Variants in TCF20 observed in about 807,000 individuals in gnomAD.
TCF20 encodes SPRE-binding protein.
A neutral mutation model predicts 148.6 loss-of-function variants in TCF20; 3 were observed. The ratio of observed to expected loss-of-function variants is 0.02; its 90% CI spans 0.01 to 0.05. TCF20 has a LOEUF of 0.05. Among genes scored for constraint, TCF20 ranks in the 10% least tolerant of loss-of-function variants. TCF20 has a pLI of 1.00. For synonymous variants in TCF20, 1,049 were observed against 909.5 expected, an observed-to-expected ratio of 1.15 and a Z score of -2.76; for missense variants, 2,350 against 2,429.3, an observed-to-expected ratio of 0.97 and a Z score of 0.69.
At chr22:42,326,848 C>T (rs1927884135) in intron 1 of TCF20, among the ~76,000 whole-genome samples, 1 of 152,258 alleles carries the variant, frequency 6.6e-6, no homozygotes, top group Non-Finnish European at 1.5e-5. Context: ...CGATGCCACA[C>T]AGCCAGCTGA....
At chr22:42,232,805 G>GAAA (rs373162435) in intron 1 of TCF20, among the ~76,000 whole-genome samples, 14 of 131,398 alleles carry the variant, frequency 1.1e-4, no homozygotes, top group East Asian at 4.5e-4. Context: ...TCTCCAAAAA[G>GAAA]AAAAAAAAAA....
At chr22:42,202,480 G>T (rs1260367356) in intron 2 of TCF20, among the ~76,000 whole-genome samples, 2 of 152,228 alleles carry the variant, frequency 1.3e-5, no homozygotes, top group Non-Finnish European at 1.5e-5. Flanking sequence ...AACAAGTCCT[G>T]GAATTCATAT....
At chr22:42,258,430 C>A (rs1448619911) in intron 1 of TCF20, among the ~76,000 whole-genome samples, 1 of 152,210 alleles carries the variant, frequency 6.6e-6, no homozygotes, top group African/African-American at 2.4e-5. Context: ...GGGGATCACA[C>A]TGGGTTCTGA....
At chr22:42,278,807 G>A (rs866730384) in intron 1 of TCF20, 1 of 152,278 alleles carries the variant, frequency 6.6e-6, no homozygotes, top group Non-Finnish European at 1.5e-5. Flanking sequence ...AGGCGTGGAC[G>A]CTAAGGCTCA....
upstream of TCF20, among the ~76,000 whole-genome samples, chr22:42,272,149 C>T (rs1010041344): frequency 4.6e-5 from 7 of 152,244 alleles, no homozygotes; most frequent in African/African-American, 1.7e-4. Flanking sequence ...TCTTCCGGGG[C>T]AGAGCTGAAC....
At chr22:42,191,722 A>G (rs556353171) in intron 2 of TCF20, among the ~76,000 whole-genome samples, 4 of 152,272 alleles carry the variant, frequency 2.6e-5, no homozygotes, top group African/African-American at 9.6e-5. Flanking sequence ...AGTTTTTCCT[A>G]TGTTAAAAGG....
chr22:42,303,415 ACT>A (rs1370145883), intron 1 of TCF20, among the ~76,000 whole-genome samples: 4 of 152,188 alleles, frequency 2.6e-5, no homozygotes. Context: ...CCTAGTGGAC[ACT>A]CCGAGCGTTC....
intron 1 of TCF20, among the ~76,000 whole-genome samples, chr22:42,220,938 G>A (rs913284862): frequency 1.3e-5 from 2 of 152,180 alleles, no homozygotes; most frequent in Non-Finnish European, 2.9e-5. Flanking sequence ...TGCTAGCACA[G>A]AAGACTTCAC....
intron 2 of TCF20, among the ~76,000 whole-genome samples, chr22:42,184,803 CTA>C (rs1569115965): frequency 6.6e-6 from 1 of 152,146 alleles, no homozygotes; most frequent in Non-Finnish European, 1.5e-5. Context: ...TTAAAGAACT[CTA>C]ATAAGAACCT....
chr22:42,286,367 A>T (rs757129427), upstream of TCF20, among the ~76,000 whole-genome samples: 16 of 151,804 alleles, frequency 1.1e-4, no homozygotes, highest in Non-Finnish European at 1.9e-4. Context: ...CACCTACATC[A>T]GGCTGTCTGG....
chr22:42,209,072 C>G (rs1334705875), intron 2 of TCF20, among the ~76,000 whole-genome samples: 1 of 152,220 alleles, frequency 6.6e-6, no homozygotes, highest in African/African-American at 2.4e-5. Context: ...GACTGCAAGA[C>G]AGTGAGAGAA....
At position 42,166,609 on chromosome 22, in the gene TCF20, C is replaced by CAA. The variant is rs545755110; in HGVS notation, c.*44+1998_*44+1999dup. Among the ~76,000 whole-genome samples, 191 of 70,448 alleles carry CAA rather than the reference C, an allele frequency of 2.7e-3. 1 individual carries two copies. Among genetic ancestry groups the CAA allele is most frequent in the African/African-American group, 7.9e-3 (184 of 23,386 alleles). The allele number at this position is 70,448 out of a possible 152,430, so 46.2% of individuals were successfully genotyped here. A position where few individuals can be genotyped will look rare whatever the true frequency, so the allele number is the denominator to read the frequency against. ...GGGCGACAAAGTGAGAATCCGTCTC[C>CAA]AAAAAAAAAAAAAAAAAGAGTCAAG... On this transcript the variant is annotated intron_variant, in intron 5 of 5. Transcript: ENST00000677622.
intron 3 of TCF20, among the ~76,000 whole-genome samples, chr22:42,172,783 C>T (rs1936206641): frequency 6.6e-6 from 1 of 152,210 alleles, no homozygotes; most frequent in Non-Finnish European, 1.5e-5. Context: ...TCCAATTCAC[C>T]TACACTCTAC....
chr22:42,163,263 G>C (rs1935574687), intron 5 of TCF20, among the ~76,000 whole-genome samples: 1 of 152,196 alleles, frequency 6.6e-6, no homozygotes, highest in Non-Finnish European at 1.5e-5. Context: ...TCTGCGAGCT[G>C]CTACTTGTGG....
chr22:42,239,248 G>C (rs564498003), intron 1 of TCF20, among the ~76,000 whole-genome samples: 1 of 147,292 alleles, frequency 6.8e-6, no homozygotes, highest in African/African-American at 2.5e-5. Context: ...AGGCCGAAGC[G>C]GGTGGATCAT....
At chr22:42,283,845 C>T (rs925245128) in exon 1 of TCF20, among the ~76,000 whole-genome samples, 1 of 152,236 alleles carries the variant, frequency 6.6e-6, no homozygotes, top group African/African-American at 2.4e-5. Flanking sequence ...CCGCATCCTT[C>T]CCTGGCCCTT....
intron 1 of TCF20, among the ~76,000 whole-genome samples, chr22:42,337,090 T>C (rs901453848): frequency 8.5e-5 from 13 of 152,188 alleles, no homozygotes; most frequent in African/African-American, 3.1e-4. Context: ...CATGGAGTCC[T>C]GGTCTCCATG....
intron 1 of TCF20, among the ~76,000 whole-genome samples, chr22:42,258,130 G>C (rs1925841097): frequency 6.6e-6 from 1 of 152,118 alleles, no homozygotes; most frequent in African/African-American, 2.4e-5. Flanking sequence ...TAAAATCCCA[G>C]GAAGTAGAAA....
At chr22:42,204,238 T>C (rs188033869) in intron 2 of TCF20, among the ~76,000 whole-genome samples, 14 of 152,316 alleles carry the variant, frequency 9.2e-5, no homozygotes, top group Admixed American at 8.5e-4. Flanking sequence ...CTCACACCTA[T>C]AATCCCAGTA....
Sources: allele counts gnomAD v4.1 joint callset (sites outside exome capture counted in the v4.1 genomes callset), GRCh38; gene constraint gnomAD v4.1.1; transcripts MANE v1.5; gene names NCBI Gene and HGNC (gene_info 2026-07-23, HGNC 2026-07-21).